Variants in CPNE5 observed in about 807,000 individuals in gnomAD.
CPNE5 encodes copine 5.
A neutral mutation model predicts 81.1 loss-of-function variants in CPNE5; 42 were observed. That is an observed-to-expected ratio of 0.52 (90% confidence interval 0.40 to 0.67). The LOEUF (loss-of-function observed/expected upper bound fraction) is 0.67, where lower values mean the gene tolerates loss of function less well. CPNE5 is among the 30% of genes least tolerant of loss of function. The pLI, the probability that CPNE5 is intolerant of heterozygous loss-of-function variation, is 0.00. For missense variants in CPNE5, 612 were observed against 815.5 expected, an observed-to-expected ratio of 0.75 and a Z score of 3.04; for synonymous variants, 313 against 321.5, an observed-to-expected ratio of 0.97 and a Z score of 0.28.
In CPNE5 at chr6:36,745,048, G is replaced by T. The variant is rs201460845; in HGVS notation, c.1431C>A (p.Asn477Lys). Residue 477 changes from asparagine to lysine, a missense_variant and splice_region_variant, in exon 18 of 21, where the codon AAC becomes AAA. Asn to Lys is a moderately conservative substitution (Grantham distance 94). Transcript: ENST00000244751. ...CCCCCACCGCACACTCCTTGCTTAC[G>T]TTGACAATGGCCTCCTTGGTCTGCG... ...DMAQTKEAIV[N>K]AAKLPMSIII... 8.3e-5 allele frequency: 133 copies of T among 1,610,844 alleles called. No homozygotes were observed. The highest frequency in any genetic ancestry group is 1.1e-4 in the Non-Finnish European group (130 of 1,177,094).
chr6:36,810,606 C>T (rs576688978), intron 3 of CPNE5, among the ~76,000 whole-genome samples: 31 of 152,210 alleles, frequency 2.0e-4, no homozygotes, highest in African/African-American at 7.5e-4. Flanking sequence ...CCTGGGGAGG[C>T]GGAGGAGCAC....
At chr6:36,759,571 G>C (rs10807176) in intron 12 of CPNE5, among the ~76,000 whole-genome samples, 97,650 of 151,616 alleles carry the variant, frequency 0.64, 32,559 homozygotes, top group Non-Finnish European at 0.75. Context: ...TCTTTGAGGG[G>C]TTGAATAGTG....
intron 8 of CPNE5, among the ~76,000 whole-genome samples, chr6:36,788,428 C>T (rs1480997564): frequency 3.3e-5 from 5 of 152,000 alleles, no homozygotes; most frequent in African/African-American, 9.7e-5. Flanking sequence ...CGTGAGGGCT[C>T]GAGGCTCCAG....
In CPNE5 at chr6:36,815,550, G is replaced by T. The variant is rs145232547; in HGVS notation, c.183+6564C>A. Among the ~76,000 whole-genome samples, 83 of 152,292 alleles carry T rather than the reference G, an allele frequency of 5.5e-4. 1 individual carries two copies. In the East Asian group the frequency reaches 0.014, roughly 25 times the overall value. ...GCCCTCACCAGACATTGAATTTGCT[G>T]GTGCCTTGATATTGGACTTCCTGGC... On this transcript the variant is annotated intron_variant, in intron 3 of 20. Transcript: ENST00000244751.
intron 1 of CPNE5, among the ~76,000 whole-genome samples, chr6:36,836,485 C>G (rs1373658744): frequency 6.6e-6 from 1 of 152,154 alleles, no homozygotes; most frequent in Non-Finnish European, 1.5e-5. Flanking sequence ...ACATTGGCCC[C>G]TCTACCCCAG....
intron 1 of CPNE5, chr6:36,838,787 G>C: frequency 1.0e-6 from 1 of 982,506 alleles, no homozygotes; most frequent in Non-Finnish European, 1.2e-6. Flanking sequence ...TAGAGTCTAG[G>C]ACAGTGGGGT....
intron 4 of CPNE5, among the ~76,000 whole-genome samples, chr6:36,799,174 G>A (rs1306390900): frequency 6.6e-6 from 1 of 152,070 alleles, no homozygotes; most frequent in Non-Finnish European, 1.5e-5. Context: ...GCCATGCCAG[G>A]CCCAGATGAC....
chr6:36,833,482 T>C (rs1773142684), intron 1 of CPNE5, among the ~76,000 whole-genome samples: 1 of 152,208 alleles, frequency 6.6e-6, no homozygotes, highest in African/African-American at 2.4e-5. Context: ...TTCACTCTTG[T>C]GATTACAGTT....
chr6:36,794,492 G>T, intron 7 of CPNE5, 98 bp downstream of exon 7: 1 of 1,164,928 alleles, frequency 8.6e-7, no homozygotes, highest in Non-Finnish European at 1.3e-6. Context: ...CAAATTCGCA[G>T]TGATGGGAGC....
intron 8 of CPNE5, among the ~76,000 whole-genome samples, chr6:36,780,866 A>G (rs1327648451): frequency 6.6e-6 from 1 of 152,234 alleles, no homozygotes; most frequent in African/African-American, 2.4e-5. Flanking sequence ...CTTTTTACAA[A>G]TGAGGAAGCT....
chr6:36,827,647 C>G lies in CPNE5; in HGVS notation c.96-4549G>C, dbSNP rs1025575069. 3.0e-6 allele frequency: 3 copies of G among 985,266 alleles called. No individual in the cohort carries two copies. In the African/African-American group the frequency reaches 5.2e-5, roughly 17 times the overall value. 61.0% of individuals were successfully genotyped at this position (985,266 alleles called of 1,614,324 possible). A position where few individuals can be genotyped will look rare whatever the true frequency, so the allele number is the denominator to read the frequency against. The stretch of plus-strand genomic sequence containing the variant: ...AGTTTCTTCGAGGTAAAGCGCCTTC[C>G]CCACTGATCCTCACCATGATCCACT... On this transcript the variant is annotated intron_variant, in intron 1 of 20. Coordinates refer to ENST00000244751, the MANE Select transcript of CPNE5 (RefSeq NM_020939.2).
rs375161333 is a variant in CPNE5, at chr6:36,765,261, G to A, written c.779+74C>T. The A allele has an allele frequency of 2.8e-4, 436 of 1,535,370 alleles. 6 individuals are homozygous for A. Among genetic ancestry groups the A allele is most frequent in the African/African-American group, 1.3e-3 (92 of 73,292 alleles). ...CGGGGGGGAGCCTGGTCACAGCTCC[G>A]CATGGGAGGGCAGGGCCCAGTGGCT... On this transcript the variant is annotated intron_variant, in intron 11 of 20. Coordinates refer to ENST00000244751, the MANE Select transcript of CPNE5 (RefSeq NM_020939.2).
At chr6:36,793,678 A>C (rs1425880641) in intron 7 of CPNE5, among the ~76,000 whole-genome samples, 3 of 150,188 alleles carry the variant, frequency 2.0e-5, no homozygotes, top group Non-Finnish European at 4.4e-5. Flanking sequence ...CTGCTTCTCT[A>C]CTCTCCAGGT....
intron 1 of CPNE5, among the ~76,000 whole-genome samples, chr6:36,835,373 G>A (rs937656608): frequency 2.0e-5 from 3 of 152,214 alleles, no homozygotes; most frequent in African/African-American, 7.2e-5. Flanking sequence ...GTCTAGAACA[G>A]GCCATCAGAG....
intron 8 of CPNE5, among the ~76,000 whole-genome samples, chr6:36,790,356 C>T (rs1768971607): frequency 6.6e-6 from 1 of 152,112 alleles, no homozygotes; most frequent in African/African-American, 2.4e-5. Context: ...AAAGTATGGA[C>T]CAGGAACCCC....
At chr6:36,819,521 G>A (rs550697142) in intron 3 of CPNE5, among the ~76,000 whole-genome samples, 2 of 152,322 alleles carry the variant, frequency 1.3e-5, no homozygotes, top group African/African-American at 4.8e-5. Context: ...ACTGGGGGCA[G>A]AGGGAGACAG....
rs1228714792 is a variant in CPNE5 at position 36,829,862 on chromosome 6, A to C, written c.96-6764T>G. On this transcript the variant is annotated intron_variant, in intron 1 of 20. Transcript: ENST00000244751. ...AGTGTAGGAATTGCAAAAAAAAAAA[A>C]AAAAAAATACCCAACAGGAATCCTG... is the stretch of plus-strand genomic sequence containing the variant. Among the ~76,000 whole-genome samples the C allele has an allele frequency of 1.6e-3, 230 of 148,152 alleles. 4 individuals are homozygous for C. Among genetic ancestry groups the C allele is most frequent in the African/African-American group, 5.3e-3 (216 of 40,838 alleles).
chr6:36,827,954 T>G (rs1203618587), intron 1 of CPNE5, among the ~76,000 whole-genome samples: 1 of 151,988 alleles, frequency 6.6e-6, no homozygotes, highest in African/African-American at 2.4e-5. Context: ...GTTCCTTAAA[T>G]CAAGGCCAGG....
At position 36,818,127 on chromosome 6, in the gene CPNE5, A is replaced by G. The variant is rs528265114; in HGVS notation, c.183+3987T>C. Among the ~76,000 whole-genome samples the G allele has an allele frequency of 7.2e-5, 11 of 152,180 alleles. No individual in the cohort carries two copies. In the South Asian group the frequency reaches 2.3e-3, roughly 32 times the overall value. On this transcript the variant is annotated intron_variant, in intron 3 of 20. Transcript: ENST00000244751. ...AGGAGGTTGAGCCAGATGATCCTGA[A>G]AGTTCCTTCCAACCCATATCTCCTC...
Sources: gnomAD v4.1 joint callset for allele counts (sites outside exome capture counted in the v4.1 genomes callset) on GRCh38, gnomAD v4.1.1 for gene constraint, MANE v1.5 for transcripts, NCBI Gene and HGNC (gene_info 2026-07-23, HGNC 2026-07-21) for gene names.